Variants in ATXN2L observed in about 807,000 individuals in gnomAD.
ATXN2L encodes the protein ataxin 2 like.
Under a neutral mutation model 120.7 loss-of-function variants are expected in ATXN2L, and 24 were observed. The ratio of observed to expected loss-of-function variants is 0.20; its 90% CI spans 0.14 to 0.28. The LOEUF is 0.28. ATXN2L is among the 10% of genes least tolerant of loss of function. ATXN2L has a pLI of 1.00. For synonymous variants in ATXN2L, 653 were observed against 568.1 expected (o/e 1.15, Z -2.13); for missense variants, 1,312 against 1,432.3 (o/e 0.92, Z 1.36).
In ATXN2L at chr16:28,833,918, A is replaced by C. The variant is rs1567429331; in HGVS notation, c.2026-147A>C. 5.4e-6 allele frequency: 5 copies of C among 925,734 alleles called. No homozygotes were observed. The East Asian group carries it at 1.3e-4, about 24-fold the overall frequency. The allele number at this position is 925,734 out of a possible 1,614,324, so 57.3% of individuals were successfully genotyped here. A position where few individuals can be genotyped will look rare whatever the true frequency, so the allele number is the denominator to read the frequency against. On this transcript the variant is annotated intron_variant, in intron 15 of 21. Transcript: ENST00000336783. The stretch of plus-strand genomic sequence containing the variant: ...GTAACTTTAGAATACTCATCTCCTC[A>C]TAGGGTTTAATGTGAGGCTTTATCA...
chr16:28,835,492 ACTGGGGGCCAGCGAGTTG>A (rs1960161555), intron 20 of ATXN2L, 39 bp from the exon 21 acceptor site: 3 of 1,610,330 alleles, frequency 1.9e-6, no homozygotes, highest in Non-Finnish European at 2.5e-6. Context: ...AGTGGCGAGG[ACTGGGGGCCAGCGAGTTG>A]CTGGCCTGTG....
rs1180206226 is a variant in ATXN2L, at chr16:28,835,108, C to T, written c.2484C>T (p.Gly828=). 6.2e-7 allele frequency: 1 copy of T among 1,613,806 alleles called. No individual in the cohort carries two copies. The highest frequency in any genetic ancestry group is 8.5e-7 in the Non-Finnish European group (1 of 1,179,932). ...GCAACCCACGCATGCTGACGTCGGG[C>T]AGCCATCCCCAGGCCATCGTGTCAT... ...LQSNPRMLTS[G]SHPQAIVSSS... The change falls in exon 19 of 22, where the codon GGC becomes GGT. Residue 828 remains glycine (G), a synonymous_variant. Coordinates refer to ENST00000336783, the MANE Select transcript of ATXN2L (RefSeq NM_007245.4).
In ATXN2L at chr16:28,823,507, C is replaced by CGCCGCA; in HGVS notation, c.251_256dup (p.Pro84_Gln85dup). On this transcript the variant is annotated inframe_insertion, in exon 1 of 22. Coordinates refer to ENST00000336783, the MANE Select transcript of ATXN2L (RefSeq NM_007245.4). ...GGCATCTTGGCGCCGCAGCCGCCGCCGCCGCAGCAACACCAGGAGAGGCCG... is the reference window on the plus strand; with the variant it reads ...GGCATCTTGGCGCCGCAGCCGCCGCCGCCGCAGCCGCAGCAACACCAGGAGAGGCCG... 7.2e-7 allele frequency: 1 copy of CGCCGCA among 1,388,266 alleles called. No homozygotes were observed. The highest frequency in any genetic ancestry group is 9.3e-7 in the Non-Finnish European group (1 of 1,073,848). 86.0% of individuals were successfully genotyped at this position (1,388,266 alleles called of 1,614,324 possible).
Position 28,836,063 on chromosome 16 carries a change from G to C in ATXN2L, c.3026G>C (p.Gly1009Ala). The C allele has an allele frequency of 6.2e-7, 1 of 1,608,860 alleles. No individual in the cohort carries two copies. The highest frequency in any genetic ancestry group is 1.3e-5 in the African/African-American group (1 of 74,894). ...GPPQGAVPQS[G>A]VPALSASTPS... ...CCCCAAGGCGCGGTGCCCCAGAGTG[G>C]GGTGCCTGCACTCTCAGCTTCCACA... is the stretch of plus-strand genomic sequence containing the variant. Residue 1009 changes from glycine (G) to alanine (A), a missense_variant, in exon 22 of 22, where the codon GGG (glycine) becomes GCG (alanine). Coordinates refer to ENST00000336783, the MANE Select transcript of ATXN2L (RefSeq NM_007245.4).
intron 6 of ATXN2L, among the ~76,000 whole-genome samples, chr16:28,827,432 C>A (rs967014661): frequency 2.0e-5 from 3 of 152,002 alleles, no homozygotes; most frequent in South Asian, 2.1e-4. Context: ...TCACACGCAA[C>A]AAAACCAAAA....
intron 6 of ATXN2L, among the ~76,000 whole-genome samples, chr16:28,827,688 C>T (rs1271498401): frequency 6.6e-6 from 1 of 152,130 alleles, no homozygotes; most frequent in South Asian, 2.1e-4. Context: ...CTGCTGTAAG[C>T]TGAGATTGTG....
chr16:28,825,318 C>G (rs1413614520), intron 1 of ATXN2L, 48 bp from the exon 2 acceptor site: 22 of 1,574,442 alleles, frequency 1.4e-5, no homozygotes, highest in Non-Finnish European at 1.9e-5. Context: ...TCATAGTGGT[C>G]TAAGAGGGCT....
Position 28,835,402 on chromosome 16 carries a change from G to T in ATXN2L, c.2685+3G>T, listed in dbSNP as rs1567437091. 6.2e-7 allele frequency: 1 copy of T among 1,612,490 alleles called. No homozygotes were observed. The highest frequency in any genetic ancestry group is 2.2e-5 in the East Asian group (1 of 44,888). On this transcript the variant is annotated splice_donor_region_variant and intron_variant, in intron 20 of 21. Coordinates refer to ENST00000336783, the MANE Select transcript of ATXN2L (RefSeq NM_007245.4). Reference sequence around the variant, plus strand: ...ATGCGGCCCCCAGTCCTGTCCAGGTGCCTGCCATGGGGGGTGCTGAGTGGT... The same window carrying T: ...ATGCGGCCCCCAGTCCTGTCCAGGTTCCTGCCATGGGGGGTGCTGAGTGGT...
chr16:28,828,542 G>A (rs1415567147), intron 6 of ATXN2L, among the ~76,000 whole-genome samples: 3 of 150,024 alleles, frequency 2.0e-5, no homozygotes, highest in East Asian at 2.0e-4. Context: ...AGCCAAGATC[G>A]CACCATTGCA....
chr16:28,834,524 G>T lies in ATXN2L; in HGVS notation c.2264G>T (p.Arg755Leu). 6.2e-7 allele frequency: 1 copy of T among 1,610,556 alleles called. No homozygotes were observed. ...CTTCCAGGCTCCCTTCCTCCGCAGC[G>T]CTCGGACCAACACCAGCCAGCCTCA... ...RGAKGSLPPQ[R>L]SDQHQPASAP... Residue 755 changes from arginine to leucine, a missense_variant, in exon 18 of 22, where the codon CGC (arginine) becomes CTC (leucine). Transcript: ENST00000336783.
intron 1 of ATXN2L, chr16:28,823,819 C>G: frequency 2.6e-6 from 1 of 379,362 alleles, no homozygotes; most frequent in Non-Finnish European, 4.6e-6. Flanking sequence ...GGAGGCGGGG[C>G]GCATCCCGCC....
Position 28,836,100 on chromosome 16 carries a change from C to T in ATXN2L, c.3063C>T (p.Tyr1021=), listed in dbSNP as rs1284927524. ...TCTCAGCTTCCACACCCTCACCCTA[C>T]CCCTACATCGGACACCCCCAAGGTG... ...PALSASTPSP[Y]PYIGHPQGEQ... Residue 1021 remains tyrosine, a synonymous_variant, in exon 22 of 22, where the codon TAC becomes TAT. Transcript: ENST00000336783. The T allele has an allele frequency of 1.2e-6, 2 of 1,614,002 alleles. No individual in the cohort carries two copies. Among genetic ancestry groups the T allele is most frequent in the Admixed American group, 1.7e-5 (1 of 59,994 alleles).
intron 10 of ATXN2L, 104 bp from the exon 11 acceptor site, chr16:28,832,101 C>T: frequency 2.4e-6 from 3 of 1,257,936 alleles, no homozygotes; most frequent in Middle Eastern, 2.6e-4. Flanking sequence ...GTTGGTGACT[C>T]TGGTTGTATA....
At chr16:28,825,277 T>G in intron 1 of ATXN2L, 89 bp from the exon 2 acceptor site, 1 of 1,173,904 alleles carries the variant, frequency 8.5e-7, no homozygotes, top group Non-Finnish European at 1.3e-6. Context: ...CATCATCAGG[T>G]GGTATATACT....
chr16:28,823,522 A>C lies in ATXN2L; in HGVS notation c.263A>C (p.Gln88Pro), dbSNP rs2050334640. Residue 88 changes from glutamine (Q) to proline (P), a missense_variant, in exon 1 of 22, where the codon CAG (glutamine) becomes CCG (proline). Transcript: ENST00000336783. ...CAGCCGCCGCCGCCGCAGCAACACC[A>C]GGAGAGGCCGGGGGCAGCCGCCATC... ...APQPPPPQQH[Q>P]ERPGAAAIGS... 6 of 1,390,684 alleles carry C rather than the reference A, an allele frequency of 4.3e-6. No homozygotes were observed. The highest frequency in any genetic ancestry group is 5.6e-6 in the Non-Finnish European group (6 of 1,075,334). The allele number at this position is 1,390,684 out of a possible 1,614,324, so 86.1% of individuals were successfully genotyped here. A position where few individuals can be genotyped will look rare whatever the true frequency, so the allele number is the denominator to read the frequency against.
Position 28,836,887 on chromosome 16 carries a change from A to AGCTCCCCT in ATXN2L, c.*623_*624insCTCCCCTG. 12 of 1,202,490 alleles carry AGCTCCCCT rather than the reference A, an allele frequency of 1.0e-5. No homozygotes were observed. The highest frequency in any genetic ancestry group is 1.3e-5 in the Non-Finnish European group (11 of 838,574). 74.5% of individuals were successfully genotyped at this position (1,202,490 alleles called of 1,614,324 possible). On this transcript the variant is annotated 3_prime_UTR_variant, in exon 22 of 22. Coordinates refer to ENST00000336783, the MANE Select transcript of ATXN2L (RefSeq NM_007245.4). ...CCAGCCCCCCATCCCCCCGTTCCCC[A>AGCTCCCCT]GGGGAGCTGGGGAATTCCTGCCAAG...
At position 28,836,642 on chromosome 16, in the gene ATXN2L, C is replaced by G. The variant is rs937321575; in HGVS notation, c.*377C>G. ...AGGCCGCTCCTTCCCAGACACACCCCCACGCCCCCACTGGACGGCATTGGA... is the reference window on the plus strand; with the variant it reads ...AGGCCGCTCCTTCCCAGACACACCCGCACGCCCCCACTGGACGGCATTGGA... On this transcript the variant is annotated 3_prime_UTR_variant, in exon 22 of 22. Coordinates refer to ENST00000336783, the MANE Select transcript of ATXN2L (RefSeq NM_007245.4). 1.3e-5 allele frequency: 21 copies of G among 1,610,250 alleles called. No homozygotes were observed. In the South Asian group the frequency reaches 2.3e-4, roughly 18 times the overall value.
intron 18 of ATXN2L, 160 bp from the exon 19 acceptor site, chr16:28,834,898 G>A (rs758506963): frequency 6.8e-6 from 8 of 1,178,670 alleles, no homozygotes; most frequent in Admixed American, 2.8e-5. Context: ...TATCTCTGAA[G>A]TGTAGAGAAA....
intron 8 of ATXN2L, among the ~76,000 whole-genome samples, 188 bp downstream of exon 8, chr16:28,830,246 TAAAA>T (rs372293853): frequency 1.4e-5 from 2 of 147,376 alleles, no homozygotes; most frequent in South Asian, 2.1e-4. Flanking sequence ...CTTGTAGATC[TAAAA>T]AAAAAAAATT....
Sources: allele counts gnomAD v4.1 joint callset (sites outside exome capture counted in the v4.1 genomes callset), GRCh38; gene constraint gnomAD v4.1.1; transcripts MANE v1.5; gene names NCBI Gene and HGNC (gene_info 2026-07-23, HGNC 2026-07-21).